The following PIK3R3 variants were observed in gnomAD, a reference collection of about 807,000 sequenced individuals.
PIK3R3 encodes the protein phosphatidylinositol 3-kinase regulatory subunit gamma.
In PIK3R3, 64 loss-of-function variants were observed where a neutral mutation model predicts 62.9. That is an observed-to-expected ratio of 1.02 (90% CI 0.83 to 1.25). The LOEUF is 1.25. Ranked by LOEUF, PIK3R3 falls within the 50% of genes most tolerant of loss-of-function variation. PIK3R3 has a pLI of 0.00. For missense variants in PIK3R3, 614 were observed against 561.6 expected (o/e 1.09, Z -0.94); for synonymous variants, 165 against 189.0 (o/e 0.87, Z 1.04).
At chr1:46,045,820 T>G (rs192043961) in intron 9 of PIK3R3, 98 bp downstream of exon 9, 2 of 1,092,774 alleles carry the variant, frequency 1.8e-6, no homozygotes. Flanking sequence ...TCCTCGTTAC[T>G]GTACATTAAC....
At chr1:46,086,589 A>G (rs917722062) in intron 1 of PIK3R3, among the ~76,000 whole-genome samples, 2 of 152,096 alleles carry the variant, frequency 1.3e-5, no homozygotes, top group African/African-American at 4.8e-5. Context: ...AATCCCAGCT[A>G]CTCGGAAGGC....
At chr1:46,105,328 C>A (rs1440868076) in intron 1 of PIK3R3, among the ~76,000 whole-genome samples, 1 of 152,072 alleles carries the variant, frequency 6.6e-6, no homozygotes, top group Non-Finnish European at 1.5e-5. Flanking sequence ...GGTGAAACCC[C>A]GTCTCTACTA....
chr1:46,146,988 A>G, the PIK3R3 span, among the ~76,000 whole-genome samples: 1 of 152,210 alleles, frequency 6.6e-6, no homozygotes, highest in East Asian at 1.9e-4. Context: ...CAACCAGCCT[A>G]GCACTGGGAA....
At chr1:46,171,947 G>A in the PIK3R3 span, among the ~76,000 whole-genome samples, 1 of 152,154 alleles carries the variant, frequency 6.6e-6, no homozygotes, top group Admixed American at 6.5e-5. Context: ...AAGAGCCCGT[G>A]CTAGGCTGCC....
At chr1:46,137,609 CACACAG>C (rs1278279106), upstream of PIK3R3, among the ~76,000 whole-genome samples, 1 of 152,222 alleles carries the variant, frequency 6.6e-6, no homozygotes, top group African/African-American at 2.4e-5. Context: ...ACATTGTGCT[CACACAG>C]ACCCCTGTGC....
intron 1 of PIK3R3, among the ~76,000 whole-genome samples, chr1:46,099,456 T>C (rs1652455070): frequency 6.6e-6 from 1 of 152,204 alleles, no homozygotes; most frequent in African/African-American, 2.4e-5. Flanking sequence ...CAAATTCCCT[T>C]ATTTTTCCCC....
chr1:46,114,803 CAG>C (rs563417059), intron 1 of PIK3R3, among the ~76,000 whole-genome samples: 52 of 125,246 alleles, frequency 4.2e-4, no homozygotes, highest in African/African-American at 1.4e-3. Flanking sequence ...TTGGTAGAGA[CAG>C]AGTTTCACCA....
At chr1:46,066,227 T>C in intron 4 of PIK3R3, 48 bp from the exon 5 acceptor site, 1 of 1,325,354 alleles carries the variant, frequency 7.5e-7, no homozygotes, top group South Asian at 1.3e-5. Flanking sequence ...TTCTGACATA[T>C]GTGGAAATAG....
chr1:46,103,399 G>A (rs762858907), intron 1 of PIK3R3, among the ~76,000 whole-genome samples: 24 of 151,796 alleles, frequency 1.6e-4, no homozygotes, highest in African/African-American at 5.1e-4. Flanking sequence ...GTGAAACCCC[G>A]TCTTTACTAA....
At chr1:46,132,773 C>A (rs1381685481), upstream of PIK3R3, 10 of 1,273,412 alleles carry the variant, frequency 7.9e-6, no homozygotes, top group Non-Finnish European at 1.0e-5. Context: ...CGCCGTCCCG[C>A]CTCGATGTAC....
At position 46,046,590 on chromosome 1, in the gene PIK3R3, A is replaced by G; in HGVS notation, c.977T>C (p.Leu326Pro). 6.2e-7 allele frequency: 1 copy of G among 1,613,548 alleles called. No individual in the cohort carries two copies. Reference protein sequence around the residue: ...LNHKGVRQKRLNVWLGIKNED... With the variant: ...LNHKGVRQKRPNVWLGIKNED... ...ATTCTTAATTCCCAGCCAGACATTC[A>G]GGCGTTTCTGTCTCACTCCTTTGTG... Residue 326 changes from leucine (L) to proline (P), a missense_variant, in exon 8 of 10, where the codon CTG becomes CCG. Leu to Pro is a moderately conservative substitution (Grantham distance 98). Coordinates refer to ENST00000262741, the MANE Select transcript of PIK3R3 (RefSeq NM_003629.4).
At chr1:46,161,162 A>G in the PIK3R3 span, among the ~76,000 whole-genome samples, 1 of 151,932 alleles carries the variant, frequency 6.6e-6, no homozygotes, top group East Asian at 1.9e-4. Flanking sequence ...TGGCACAATC[A>G]TAGCTCACTG....
intron 1 of PIK3R3, among the ~76,000 whole-genome samples, chr1:46,100,319 G>GT (rs1652537283): frequency 6.6e-6 from 1 of 151,908 alleles, no homozygotes; most frequent in Non-Finnish European, 1.5e-5. Flanking sequence ...TTTTAATATG[G>GT]TAAGTAGAAA....
intron 1 of PIK3R3, among the ~76,000 whole-genome samples, chr1:46,130,300 AT>A (rs993324758): frequency 1.1e-4 from 16 of 152,342 alleles, no homozygotes; most frequent in African/African-American, 3.8e-4. Context: ...GATGTACTAA[AT>A]TTCTATTCAT....
chr1:46,104,892 C>T (rs6662337), intron 1 of PIK3R3: 5,665 of 488,306 alleles, frequency 0.012, 305 homozygotes, highest in African/African-American at 0.11. Context: ...TGCGCCACTG[C>T]ACTCCAGCCT....
intron 1 of PIK3R3, among the ~76,000 whole-genome samples, chr1:46,098,259 G>A (rs1571488384): frequency 1.3e-5 from 2 of 152,082 alleles, no homozygotes; most frequent in African/African-American, 4.8e-5. Flanking sequence ...GATACATAAC[G>A]AACAAGTCTT....
intron 1 of PIK3R3, among the ~76,000 whole-genome samples, chr1:46,118,529 C>T (rs1275157610): frequency 6.6e-6 from 1 of 151,866 alleles, no homozygotes; most frequent in Non-Finnish European, 1.5e-5. Flanking sequence ...GGTGGGAAAG[C>T]CCCACCACCC....
intron 1 of PIK3R3, among the ~76,000 whole-genome samples, chr1:46,096,221 C>CT (rs1034367522): frequency 4.6e-5 from 7 of 152,226 alleles, no homozygotes; most frequent in Non-Finnish European, 7.4e-5. Flanking sequence ...TGAAATTAAA[C>CT]TTTTTTTTAA....
chr1:46,165,150 A>G, the PIK3R3 span, among the ~76,000 whole-genome samples: 1 of 151,040 alleles, frequency 6.6e-6, no homozygotes, highest in Non-Finnish European at 1.5e-5. Context: ...TCAGATTTCT[A>G]CTCTTCCAGA....
Sources: allele counts gnomAD v4.1 joint callset (sites outside exome capture counted in the v4.1 genomes callset), GRCh38; gene constraint gnomAD v4.1.1; transcripts MANE v1.5; gene names NCBI Gene and HGNC (gene_info 2026-07-23, HGNC 2026-07-21).